FOXN2: variants seen among roughly 807,000 people sequenced by gnomAD.
The protein encoded by FOXN2 is forkhead box protein N2.
A neutral mutation model predicts 41.2 loss-of-function variants in FOXN2; 19 were observed. The observed-to-expected ratio is 0.46, with a 90% CI of 0.32 to 0.68. The LOEUF is 0.68. Among genes scored for constraint, FOXN2 ranks in the 30% least tolerant of loss-of-function variants. The pLI is 0.03. For missense variants in FOXN2, 587 were observed against 509.4 expected, an observed-to-expected ratio of 1.15 and a Z score of -1.47; for synonymous variants, 195 against 176.8, an observed-to-expected ratio of 1.10 and a Z score of -0.82.
At chr2:48,366,296 T>C (rs1312980082) in intron 5 of FOXN2, among the ~76,000 whole-genome samples, 1 of 150,972 alleles carries the variant, frequency 6.6e-6, no homozygotes, top group East Asian at 1.9e-4. Flanking sequence ...GAGGTGGAGA[T>C]TGCAGTGAGC....
At chr2:48,336,219 C>T (rs1372341837) in intron 2 of FOXN2, among the ~76,000 whole-genome samples, 1 of 151,276 alleles carries the variant, frequency 6.6e-6, no homozygotes, top group Non-Finnish European at 1.5e-5. Flanking sequence ...GCCTGGCCAA[C>T]ATGGTGAAAC....
At chr2:48,350,047 C>G (rs1394380294) in intron 3 of FOXN2, among the ~76,000 whole-genome samples, 1 of 152,202 alleles carries the variant, frequency 6.6e-6, no homozygotes, top group Non-Finnish European at 1.5e-5. Flanking sequence ...GGCCAGGAAG[C>G]CTAAGAGAAA....
chr2:48,356,380 G>T (rs1455589865), intron 3 of FOXN2, among the ~76,000 whole-genome samples: 2 of 152,100 alleles, frequency 1.3e-5, no homozygotes, highest in Admixed American at 1.3e-4. Flanking sequence ...GGCGGAGGTT[G>T]CAGTGAGCCG....
Position 48,346,641 on chromosome 2 carries a change from C to T in FOXN2, c.427C>T (p.Leu143=), listed in dbSNP as rs1378864629. Residue 143 remains leucine, a synonymous_variant, in exon 3 of 7, where the codon CTG becomes TTG. Transcript: ENST00000340553. The part of the protein sequence containing the change: ...LPVKEIYSWI[L]DHFPYFATAP... ...TGTCAAAGAAATTTATAGCTGGATT[C>T]TGGACCATTTTCCATATTTTGCTAC... The T allele has an allele frequency of 6.2e-7, 1 of 1,614,028 alleles. No homozygotes were observed. Among genetic ancestry groups the T allele is most frequent in the Non-Finnish European group, 8.5e-7 (1 of 1,180,014 alleles).
In FOXN2 at chr2:48,343,109, T is replaced by G. The variant is rs147180544; in HGVS notation, c.-14-3092T>G. On this transcript the variant is annotated intron_variant, in intron 2 of 6. Transcript: ENST00000340553. ...AGTATTGATAAAAATTCAAGTTTCT[T>G]GAGCGATTGAGAGTGACTCTAATGG... is the stretch of plus-strand genomic sequence containing the variant. Among the ~76,000 whole-genome samples the G allele has an allele frequency of 7.2e-3, 1,097 of 152,356 alleles. 8 individuals carry two copies. The highest frequency in any genetic ancestry group is 0.031 in the South Asian group (151 of 4,834).
chr2:48,318,561 T>C (rs1228537130), intron 1 of FOXN2, among the ~76,000 whole-genome samples: 1 of 152,200 alleles, frequency 6.6e-6, no homozygotes, highest in Admixed American at 6.5e-5. Flanking sequence ...TCCTGCCTCC[T>C]TCCGATCTCT....
chr2:48,352,055 G>A (rs74837517), intron 3 of FOXN2, among the ~76,000 whole-genome samples: 1 of 151,650 alleles, frequency 6.6e-6, no homozygotes, highest in Non-Finnish European at 1.5e-5. Context: ...TCAGTTTTGG[G>A]CTTCAGTTGT....
At chr2:48,362,156 A>G (rs562938884) in intron 4 of FOXN2, among the ~76,000 whole-genome samples, 1 of 152,352 alleles carries the variant, frequency 6.6e-6, no homozygotes, top group African/African-American at 2.4e-5. Flanking sequence ...TTTGGCTCCT[A>G]TGCTCTTTCT....
intron 1 of FOXN2, among the ~76,000 whole-genome samples, chr2:48,326,130 A>C (rs1055076991): frequency 6.6e-6 from 1 of 152,146 alleles, no homozygotes; most frequent in Non-Finnish European, 1.5e-5. Flanking sequence ...GATTACAGAC[A>C]TGAGCCACCG....
At position 48,342,800 on chromosome 2, in the gene FOXN2, G is replaced by T. The variant is rs564743087; in HGVS notation, c.-14-3401G>T. Among the ~76,000 whole-genome samples, 7 of 152,166 alleles carry T rather than the reference G, an allele frequency of 4.6e-5. No homozygotes were observed. In the East Asian group the frequency reaches 9.6e-4, roughly 21 times the overall value. On this transcript the variant is annotated intron_variant, in intron 2 of 6. Coordinates refer to ENST00000340553, the MANE Select transcript of FOXN2 (RefSeq NM_002158.4). ...TTTTTTTCCTTCTTGAAAACACAAT[G>T]ACAGTTCAAACCTTACTAAGATAAT...
intron 5 of FOXN2, among the ~76,000 whole-genome samples, chr2:48,370,183 A>C (rs1269853524): frequency 6.6e-6 from 1 of 152,154 alleles, no homozygotes; most frequent in Non-Finnish European, 1.5e-5. Context: ...TGAATAGGGA[A>C]CCATTCACCT....
intron 2 of FOXN2, among the ~76,000 whole-genome samples, chr2:48,338,789 A>AGTT (rs1670539958): frequency 6.6e-6 from 1 of 152,190 alleles, no homozygotes; most frequent in Non-Finnish European, 1.5e-5. Flanking sequence ...ATTTTTGGTG[A>AGTT]GTTGAAGATT....
rs940632220 is a variant in FOXN2, at chr2:48,369,871, A to G, written c.704-3421A>G. 3.3e-5 allele frequency among the ~76,000 whole-genome samples: 5 copies of G among 152,036 alleles called. No individual in the cohort carries two copies. In the East Asian group the frequency reaches 9.6e-4, roughly 29 times the overall value. The stretch of plus-strand genomic sequence containing the variant: ...AAAAATGAGCCAGGTGCGGTGGTAC[A>G]TGCCTGTGGTCCCAGCTACTTGGGA... On this transcript the variant is annotated intron_variant, in intron 5 of 6. Coordinates refer to ENST00000340553, the MANE Select transcript of FOXN2 (RefSeq NM_002158.4).
At chr2:48,372,534 A>G (rs989668222) in intron 5 of FOXN2, among the ~76,000 whole-genome samples, 1 of 152,138 alleles carries the variant, frequency 6.6e-6, no homozygotes, top group Admixed American at 6.6e-5. Flanking sequence ...AGATTATACC[A>G]TTTTACTTTT....
At chr2:48,362,622 G>T (rs754769170) in intron 4 of FOXN2, 21 bp from the exon 5 acceptor site, 10 of 1,606,962 alleles carry the variant, frequency 6.2e-6, no homozygotes, top group Non-Finnish European at 7.7e-6. Context: ...AAGCATATTT[G>T]CTTTTCTGTT....
chr2:48,361,769 T>C (rs1182201391), intron 4 of FOXN2, among the ~76,000 whole-genome samples: 1 of 152,190 alleles, frequency 6.6e-6, no homozygotes, highest in Non-Finnish European at 1.5e-5. Context: ...AAAAATATTT[T>C]AATTCCTGGA....
At chr2:48,330,791 C>T (rs6712029) in intron 2 of FOXN2, among the ~76,000 whole-genome samples, 66,522 of 151,894 alleles carry the variant, frequency 0.44, 14,767 homozygotes, top group East Asian at 0.52. Flanking sequence ...CCTATTCTTA[C>T]ATGCTTCAGG....
intron 3 of FOXN2, among the ~76,000 whole-genome samples, chr2:48,352,541 G>C (rs563122605): frequency 6.6e-6 from 1 of 151,968 alleles, no homozygotes; most frequent in African/African-American, 2.4e-5. Context: ...TTAATATGTC[G>C]TCTGTGATCT....
intron 1 of FOXN2, among the ~76,000 whole-genome samples, chr2:48,327,142 C>T (rs1360227134): frequency 6.6e-6 from 1 of 151,948 alleles, no homozygotes; most frequent in Non-Finnish European, 1.5e-5. Flanking sequence ...GCCTGTCCTA[C>T]TTGGATATCT....
Sources: gnomAD v4.1 joint callset for allele counts (sites outside exome capture counted in the v4.1 genomes callset) on GRCh38, gnomAD v4.1.1 for gene constraint, MANE v1.5 for transcripts, NCBI Gene and HGNC (gene_info 2026-07-23, HGNC 2026-07-21) for gene names.